The following CSMD1 variants were observed in gnomAD, a reference collection of about 807,000 sequenced individuals.
CSMD1 encodes the protein CUB and sushi domain-containing protein 1.
CSMD1 carries 213 observed loss-of-function variants against 417.5 expected under a neutral mutation model. That is an observed-to-expected ratio of 0.51 (90% CI 0.46 to 0.57). The LOEUF (loss-of-function observed/expected upper bound fraction) is 0.57. Among genes scored for constraint, CSMD1 ranks in the 20% least tolerant of loss-of-function variants. The pLI, the probability that CSMD1 is intolerant of heterozygous loss-of-function variation, is 0.00. For missense variants in CSMD1, 6,923 were observed against 4,529.7 expected, an observed-to-expected ratio of 1.53 and a Z score of -15.17; for synonymous variants, 2,862 against 1,736.8, an observed-to-expected ratio of 1.65 and a Z score of -16.11.
chr8:4,015,822 A>G (rs1796495550), intron 4 of CSMD1, among the ~76,000 whole-genome samples: 1 of 152,192 alleles, frequency 6.6e-6, no homozygotes, highest in African/African-American at 2.4e-5. Flanking sequence ...TTCACTAAGC[A>G]AGCGGCGTAA....
chr8:4,531,255 A>G (rs1443306197), intron 2 of CSMD1, among the ~76,000 whole-genome samples: 1 of 152,230 alleles, frequency 6.6e-6, no homozygotes, highest in Non-Finnish European at 1.5e-5. Context: ...CTTACAGGCC[A>G]TATGACAATC....
At chr8:4,418,151 G>C (rs188323378) in intron 3 of CSMD1, among the ~76,000 whole-genome samples, 10 of 151,472 alleles carry the variant, frequency 6.6e-5, no homozygotes, top group Admixed American at 3.3e-4. Context: ...TTTAAATAGA[G>C]GTTTGTCTTC....
At chr8:3,039,367 C>CTTCCTTCCTCTCTCCCTCCCTTCCGTTT (rs1810923537) in intron 50 of CSMD1, among the ~76,000 whole-genome samples, 1 of 145,064 alleles carries the variant, frequency 6.9e-6, no homozygotes, top group African/African-American at 2.7e-5. Flanking sequence ...TCCTCCTTTA[C>CTTCCTTCCTCTCTCCCTCCCTTCCGTTT]TTTCCTTTCT....
chr8:3,223,854 C>A lies in CSMD1; in HGVS notation c.4359G>T (p.Gly1453=), dbSNP rs1016527894. 1.9e-6 allele frequency: 3 copies of A among 1,613,706 alleles called. No homozygotes were observed. In the East Asian group the frequency reaches 6.7e-5, roughly 36 times the overall value. ...TAACACCTGCTGGGCCCGTCAGATTCCCTCCACAAGCAGCTGTCACAGAAC... is the reference window on the plus strand; with the variant it reads ...TAACACCTGCTGGGCCCGTCAGATTACCTCCACAAGCAGCTGTCACAGAAC... The part of the protein sequence containing the change: ...DPPTCIAACG[G]NLTGPAGVIL... Residue 1453 remains glycine, a synonymous_variant, in exon 28 of 70, where the codon GGG becomes GGT. Transcript: ENST00000635120.
At chr8:3,848,748 C>T (rs945454933) in intron 5 of CSMD1, among the ~76,000 whole-genome samples, 1 of 151,974 alleles carries the variant, frequency 6.6e-6, no homozygotes, top group Non-Finnish European at 1.5e-5. Flanking sequence ...TCCTGAACTA[C>T]ATGTGTCTAA....
At chr8:4,322,275 T>C (rs1158645739) in intron 3 of CSMD1, among the ~76,000 whole-genome samples, 1 of 152,218 alleles carries the variant, frequency 6.6e-6, no homozygotes, top group Non-Finnish European at 1.5e-5. Context: ...TAAACATAAG[T>C]GAGACCTGAA....
At chr8:4,812,283 TG>T (rs1048199448) in intron 1 of CSMD1, among the ~76,000 whole-genome samples, 1 of 152,076 alleles carries the variant, frequency 6.6e-6, no homozygotes, top group Non-Finnish European at 1.5e-5. Flanking sequence ...GTCGGGGAGG[TG>T]GGGGTTTTTC....
intron 26 of CSMD1, among the ~76,000 whole-genome samples, chr8:3,248,151 G>C (rs1322410334): frequency 6.6e-6 from 1 of 152,128 alleles, no homozygotes; most frequent in Non-Finnish European, 1.5e-5. Flanking sequence ...AAAATAGTGA[G>C]ATGTAGCGGT....
intron 1 of CSMD1, among the ~76,000 whole-genome samples, chr8:4,994,068 G>A (rs899911395): frequency 1.2e-4 from 18 of 151,258 alleles, no homozygotes; most frequent in African/African-American, 3.9e-4. Context: ...TTGACACCCT[G>A]TACTGCCGAG....
At chr8:3,930,493 C>A (rs1158113175) in intron 5 of CSMD1, among the ~76,000 whole-genome samples, 1 of 150,574 alleles carries the variant, frequency 6.6e-6, no homozygotes, top group East Asian at 1.9e-4. Flanking sequence ...AAGTTACTTC[C>A]TCCTTCCTTT....
At chr8:3,256,543 AG>A (rs1268673959) in intron 26 of CSMD1, among the ~76,000 whole-genome samples, 25 of 152,344 alleles carry the variant, frequency 1.6e-4, no homozygotes, top group Middle Eastern at 3.4e-3. Context: ...GCACTAAAAA[AG>A]CTATAATCTT....
At chr8:4,150,798 C>T (rs1796529068) in intron 3 of CSMD1, among the ~76,000 whole-genome samples, 1 of 152,074 alleles carries the variant, frequency 6.6e-6, no homozygotes, top group Admixed American at 6.6e-5. Flanking sequence ...AGTTTGCGCA[C>T]TTGCAGAGGT....
chr8:3,363,548 G>C (rs34612043), intron 20 of CSMD1, among the ~76,000 whole-genome samples: 3,282 of 143,298 alleles, frequency 0.023, 49 homozygotes, highest in Middle Eastern at 0.07. Context: ...ATTTTTTTGA[G>C]ACCGAGTCTC....
intron 9 of CSMD1, among the ~76,000 whole-genome samples, chr8:3,576,381 G>T (rs893259031): frequency 6.7e-6 from 1 of 149,872 alleles, no homozygotes; most frequent in Admixed American, 6.7e-5. Context: ...CTCCTAAATG[G>T]TTATGCATTC....
chr8:3,178,175 C>G (rs1821060891), intron 37 of CSMD1, among the ~76,000 whole-genome samples: 1 of 152,110 alleles, frequency 6.6e-6, no homozygotes, highest in Admixed American at 6.6e-5. Flanking sequence ...GCTTTTGCTA[C>G]CATTACTATT....
intron 3 of CSMD1, among the ~76,000 whole-genome samples, chr8:4,345,010 T>C (rs183713951): frequency 2.6e-5 from 4 of 152,268 alleles, no homozygotes; most frequent in African/African-American, 9.6e-5. Flanking sequence ...TTTCATTCTT[T>C]CTAAGGCAGC....
At chr8:3,302,054 G>T (rs1804452647) in intron 25 of CSMD1, among the ~76,000 whole-genome samples, 1 of 152,046 alleles carries the variant, frequency 6.6e-6, no homozygotes. Flanking sequence ...TATTGAGGGA[G>T]GAGAAATAAG....
chr8:4,934,746 T>C (rs762629760), intron 1 of CSMD1, among the ~76,000 whole-genome samples: 1 of 152,202 alleles, frequency 6.6e-6, no homozygotes, highest in East Asian at 1.9e-4. Flanking sequence ...AAACTATCTA[T>C]ATCTATCTAC....
intron 10 of CSMD1, among the ~76,000 whole-genome samples, chr8:3,499,953 G>A (rs944608017): frequency 6.6e-6 from 1 of 152,068 alleles, no homozygotes; most frequent in Non-Finnish European, 1.5e-5. Flanking sequence ...ACAGTCATGT[G>A]GGCTGCAGGT....
Sources: gnomAD v4.1 joint callset for allele counts (sites outside exome capture counted in the v4.1 genomes callset) on GRCh38, gnomAD v4.1.1 for gene constraint, MANE v1.5 for transcripts, NCBI Gene and HGNC (gene_info 2026-07-23, HGNC 2026-07-21) for gene names.